USP31: variants seen among roughly 807,000 people sequenced by gnomAD.
The protein encoded by USP31 is ubiquitin specific peptidase 31.
In USP31, 44 loss-of-function variants were observed where a neutral mutation model predicts 119.4. The ratio of observed to expected loss-of-function variants is 0.37; its 90% CI spans 0.29 to 0.47. USP31 has a LOEUF of 0.47. Ranked by LOEUF, USP31 falls within the 20% of genes least tolerant of loss-of-function variation. The pLI, the probability that USP31 is intolerant of heterozygous loss-of-function variation, is 0.99. For synonymous variants in USP31, 749 were observed against 705.6 expected, an observed-to-expected ratio of 1.06 and a Z score of -0.97; for missense variants, 1,643 against 1,730.2, an observed-to-expected ratio of 0.95 and a Z score of 0.89.
chr16:23,068,404 C>A lies in USP31; in HGVS notation c.3701G>T (p.Arg1234Ile). The A allele has an allele frequency of 6.2e-7, 1 of 1,613,918 alleles. No homozygotes were observed. Among genetic ancestry groups the A allele is most frequent in the Non-Finnish European group, 8.5e-7 (1 of 1,180,040 alleles). Reference sequence around the variant, plus strand: ...CGTCGAGCGCCGGGTTTCCTTCTGTCTCAAGGCTGATTTGAAGAAGGACAG... The same window carrying A: ...CGTCGAGCGCCGGGTTTCCTTCTGTATCAAGGCTGATTTGAAGAAGGACAG... ...KGLSFFKSAL[R>I]QKETRRSTDL... Residue 1234 changes from arginine (R) to isoleucine (I), a missense_variant, in exon 16 of 16, where the codon AGA becomes ATA. Physicochemically the swap from Arg to Ile is moderately conservative, Grantham distance 97. Transcript: ENST00000219689.
At chr16:23,098,169 T>C (rs1313082144) in intron 6 of USP31, among the ~76,000 whole-genome samples, 1 of 152,166 alleles carries the variant, frequency 6.6e-6, no homozygotes, top group African/African-American at 2.4e-5. Context: ...AGCATTCCTA[T>C]ACACCAATAA....
chr16:23,131,206 A>C (rs1001533299), intron 1 of USP31, among the ~76,000 whole-genome samples: 11 of 152,214 alleles, frequency 7.2e-5, no homozygotes, highest in Non-Finnish European at 1.3e-4. Context: ...CGGGAGGATG[A>C]GGCAAGAGGA....
At position 23,068,901 on chromosome 16, in the gene USP31, T is replaced by C; in HGVS notation, c.3204A>G (p.Leu1068=). Residue 1068 remains leucine, a synonymous_variant, in exon 16 of 16, where the codon CTA becomes CTG. Transcript: ENST00000219689. ...CTTTGCTGCGGGAGCGGGAGGGCTT[T>C]AGAGAGACTTTTACAGGAAGAGGAG... ...PSSPLPVKVS[L]KPSRSRSKAD... 6 of 1,611,626 alleles carry C rather than the reference T, an allele frequency of 3.7e-6. No individual in the cohort carries two copies. Among genetic ancestry groups the C allele is most frequent in the Non-Finnish European group, 5.1e-6 (6 of 1,178,984 alleles).
At position 23,148,778 on chromosome 16, in the gene USP31, GC is replaced by G; in HGVS notation, c.492del (p.Arg165GlyfsTer84). ...EYLALGQYRA[G>X]RPEPSPDPEQ... Reference sequence around the variant, plus strand: ...TCCGGGTCAGGCGAGGGCTCGGGCCGCCCCGCCCGGTACTGGCCCAGCGCCA... The same window carrying G: ...TCCGGGTCAGGCGAGGGCTCGGGCCGCCCGCCCGGTACTGGCCCAGCGCCA... On this transcript the variant is annotated frameshift_variant, in exon 1 of 16. Coordinates refer to ENST00000219689, the MANE Select transcript of USP31 (RefSeq NM_020718.4). LOFTEE classifies it high-confidence loss of function. 6.5e-7 allele frequency: 1 copy of G among 1,532,098 alleles called. No homozygotes were observed. The highest frequency in any genetic ancestry group is 8.7e-7 in the Non-Finnish European group (1 of 1,144,870). 94.9% of individuals were successfully genotyped at this position (1,532,098 alleles called of 1,614,324 possible). A position where few individuals can be genotyped will look rare whatever the true frequency, so the allele number is the denominator to read the frequency against.
At position 23,149,422 on chromosome 16, in the gene USP31, G is replaced by C. The variant is rs1481937414; in HGVS notation, c.-152C>G. ...AGCGCAGCCGAGCCAGCGAGCGAGC[G>C]GCGGCCGGCGGGGCCAGCGGGCGCG... On this transcript the variant is annotated 5_prime_UTR_variant, in exon 1 of 16. Transcript: ENST00000219689. The C allele has an allele frequency of 1.1e-6, 1 of 928,616 alleles. No individual in the cohort carries two copies. Among genetic ancestry groups the C allele is most frequent in the Middle Eastern group, 5.5e-4 (1 of 1,814 alleles). 57.5% of individuals were successfully genotyped at this position (928,616 alleles called of 1,614,324 possible).
intron 1 of USP31, among the ~76,000 whole-genome samples, chr16:23,136,569 G>C (rs1442939582): frequency 6.6e-6 from 1 of 151,914 alleles, no homozygotes; most frequent in East Asian, 1.9e-4. Flanking sequence ...CAGGAAAATT[G>C]CTTGAGCCCA....
chr16:23,071,237 A>G (rs1900330753), intron 15 of USP31, among the ~76,000 whole-genome samples: 2 of 152,140 alleles, frequency 1.3e-5, no homozygotes, highest in African/African-American at 4.8e-5. Context: ...TTTTAACTCA[A>G]TTTCATTTTC....
At chr16:23,119,807 G>A (rs976169455) in intron 1 of USP31, among the ~76,000 whole-genome samples, 5 of 152,186 alleles carry the variant, frequency 3.3e-5, no homozygotes, top group Non-Finnish European at 7.3e-5. Context: ...CTGCCCAAGT[G>A]TCCCAGGATG....
chr16:23,144,108 T>A (rs1283009340), intron 1 of USP31, among the ~76,000 whole-genome samples: 1 of 152,072 alleles, frequency 6.6e-6, no homozygotes, highest in Non-Finnish European at 1.5e-5. Flanking sequence ...CCAAAAACCA[T>A]CTACTTGGCA....
At chr16:23,105,315 C>T (rs1596714415) in intron 5 of USP31, 126 bp downstream of exon 5, 1 of 1,241,022 alleles carries the variant, frequency 8.1e-7, no homozygotes, top group East Asian at 2.6e-5. Flanking sequence ...TTTCCCTAAA[C>T]TCTAAATGCA....
At chr16:23,117,386 T>A (rs1902522767) in intron 1 of USP31, among the ~76,000 whole-genome samples, 1 of 152,334 alleles carries the variant, frequency 6.6e-6, no homozygotes, top group Middle Eastern at 3.4e-3. Context: ...GAATAACGAC[T>A]AGTAAAGTAT....
intron 11 of USP31, 138 bp downstream of exon 11, chr16:23,084,722 C>T: frequency 1.8e-6 from 2 of 1,104,380 alleles, no homozygotes; most frequent in South Asian, 1.9e-5. Context: ...CATTAAGATG[C>T]TCATTACATG....
intron 6 of USP31, among the ~76,000 whole-genome samples, chr16:23,096,782 T>C (rs1000999076): frequency 1.3e-5 from 2 of 152,328 alleles, no homozygotes; most frequent in Admixed American, 6.5e-5. Flanking sequence ...ATAAAGATGT[T>C]CTTTGAAACC....
At chr16:23,115,757 CACTT>C (rs1378653441) in intron 1 of USP31, 1 of 983,816 alleles carries the variant, frequency 1.0e-6, no homozygotes, top group African/African-American at 1.8e-5. Flanking sequence ...AAAGGCAAAA[CACTT>C]ACCGGGTTTT....
In USP31 at chr16:23,068,265, G is replaced by T. The variant is rs759449794; in HGVS notation, c.3840C>A (p.Ser1280=). Residue 1280 remains serine (S), a synonymous_variant, in exon 16 of 16, where the codon TCC becomes TCA. Coordinates refer to ENST00000219689, the MANE Select transcript of USP31 (RefSeq NM_020718.4). ...EAERGHQPPA[S]QQPNANTTGK... is the part of the protein sequence containing the mutation. ...CCGTTGTATTTGCATTTGGCTGCTG[G>T]GAAGCTGGAGGCTGGTGGCCTCTCT... 6.2e-7 allele frequency: 1 copy of T among 1,614,134 alleles called. No individual in the cohort carries two copies. Among genetic ancestry groups the T allele is most frequent in the South Asian group, 1.1e-5 (1 of 91,076 alleles).
At chr16:23,136,003 T>A (rs565059919) in intron 1 of USP31, among the ~76,000 whole-genome samples, 1 of 152,286 alleles carries the variant, frequency 6.6e-6, no homozygotes, top group South Asian at 2.1e-4. Context: ...AAAACGGACA[T>A]ATAAATCAAT....
intron 1 of USP31, among the ~76,000 whole-genome samples, chr16:23,130,078 T>G (rs1902981951): frequency 6.6e-6 from 1 of 152,194 alleles, no homozygotes; most frequent in South Asian, 2.1e-4. Context: ...GGTCTCAGAA[T>G]CTGAACCAAA....
In USP31 at chr16:23,067,918, C is replaced by CAA; in HGVS notation, c.*127_*128insTT. On this transcript the variant is annotated 3_prime_UTR_variant, in exon 16 of 16. Coordinates refer to ENST00000219689, the MANE Select transcript of USP31 (RefSeq NM_020718.4). ...AGACACACACACGCATACACTCACA[C>CAA]ACACACACACAGTCGGGCACGTGAC... The CAA allele has an allele frequency of 8.1e-7, 1 of 1,229,912 alleles. No individual in the cohort carries two copies. Among genetic ancestry groups the CAA allele is most frequent in the Non-Finnish European group, 1.1e-6 (1 of 894,148 alleles). The allele number at this position is 1,229,912 out of a possible 1,614,324, so 76.2% of individuals were successfully genotyped here. A position where few individuals can be genotyped will look rare whatever the true frequency, so the allele number is the denominator to read the frequency against.
At chr16:23,121,281 G>T (rs1465083642) in intron 1 of USP31, among the ~76,000 whole-genome samples, 1 of 152,128 alleles carries the variant, frequency 6.6e-6, no homozygotes, top group South Asian at 2.1e-4. Context: ...ATGGATACTT[G>T]ACAGGCAAGC....
Sources: gnomAD v4.1 joint callset for allele counts (sites outside exome capture counted in the v4.1 genomes callset) on GRCh38, gnomAD v4.1.1 for gene constraint, MANE v1.5 for transcripts, NCBI Gene and HGNC (gene_info 2026-07-23, HGNC 2026-07-21) for gene names.